UNC5B: variants seen among roughly 807,000 people sequenced by gnomAD.
UNC5B encodes the protein netrin receptor UNC5B.
UNC5B carries 56 observed loss-of-function variants against 103.7 expected under a neutral mutation model. That is an observed-to-expected ratio of 0.54 (90% CI 0.44 to 0.67). The LOEUF is 0.67. Among genes scored for constraint, UNC5B ranks in the 30% least tolerant of loss-of-function variants. The pLI is 0.00. For synonymous variants in UNC5B, 577 were observed against 542.0 expected, an observed-to-expected ratio of 1.06 and a Z score of -0.90; for missense variants, 1,194 against 1,284.5, an observed-to-expected ratio of 0.93 and a Z score of 1.08.
chr10:71,224,465 TC>T (rs1319278216), intron 1 of UNC5B, among the ~76,000 whole-genome samples: 1 of 150,968 alleles, frequency 6.6e-6, no homozygotes, highest in South Asian at 2.1e-4. Flanking sequence ...AAAACTGGAT[TC>T]TTTTTTTTCT....
At chr10:71,297,227 A>G (rs998397979) in intron 15 of UNC5B, among the ~76,000 whole-genome samples, 2 of 152,170 alleles carry the variant, frequency 1.3e-5, no homozygotes, top group African/African-American at 4.8e-5. Flanking sequence ...ATTGAGTGCC[A>G]TTCACATGCT....
rs927630366 is a variant in UNC5B, at chr10:71,302,190, C to T, written c.*2913C>T. 6.6e-6 allele frequency: 1 copy of T among 152,252 alleles called. No homozygotes were observed. The highest frequency in any genetic ancestry group is 1.5e-5 in the Non-Finnish European group (1 of 68,072). 9.4% of individuals were successfully genotyped at this position (152,252 alleles called of 1,614,324 possible). A position where few individuals can be genotyped will look rare whatever the true frequency, so the allele number is the denominator to read the frequency against. On this transcript the variant is annotated 3_prime_UTR_variant, in exon 17 of 17. Transcript: ENST00000335350. ...AGAGGTAGCCCCCGAGGGCATGTAC[C>T]TGGTGGGAAGCAGCTCAGGTACCCT...
chr10:71,282,887 C>T (rs573696244), intron 2 of UNC5B, among the ~76,000 whole-genome samples: 1 of 151,970 alleles, frequency 6.6e-6, no homozygotes, highest in Non-Finnish European at 1.5e-5. Flanking sequence ...GAGGCCGAGG[C>T]GGGCAATTCA....
At position 71,212,984 on chromosome 10, in the gene UNC5B, G is replaced by T; in HGVS notation, c.-2G>T. The T allele has an allele frequency of 7.2e-7, 1 of 1,382,694 alleles. No individual in the cohort carries two copies. The highest frequency in any genetic ancestry group is 2.8e-5 in the Admixed American group (1 of 35,404). 85.7% of individuals were successfully genotyped at this position (1,382,694 alleles called of 1,614,324 possible). A position where few individuals can be genotyped will look rare whatever the true frequency, so the allele number is the denominator to read the frequency against. ...GAGGCGCCCGAACCAGGCCGCGGGA[G>T]CATGGGGGCCCGGAGCGGAGCTCGG... On this transcript the variant is annotated 5_prime_UTR_variant, in exon 1 of 17. Transcript: ENST00000335350.
At chr10:71,297,035 G>T (rs1379007759) in intron 15 of UNC5B, among the ~76,000 whole-genome samples, 1 of 142,302 alleles carries the variant, frequency 7.0e-6, no homozygotes, top group Non-Finnish European at 1.6e-5. Flanking sequence ...CAGCACTGTG[G>T]CATAGGTGAG....
At chr10:71,225,400 C>A (rs1396105190) in intron 1 of UNC5B, among the ~76,000 whole-genome samples, 5 of 152,346 alleles carry the variant, frequency 3.3e-5, no homozygotes, top group African/African-American at 9.6e-5. Context: ...ACCTCCCATG[C>A]CTGGCTGGCC....
intron 1 of UNC5B, among the ~76,000 whole-genome samples, chr10:71,239,496 C>G (rs1843846690): frequency 6.6e-6 from 1 of 152,142 alleles, no homozygotes; most frequent in South Asian, 2.1e-4. Flanking sequence ...ATCACTTAAC[C>G]TCTTGGGCCC....
At chr10:71,293,988 T>G in intron 13 of UNC5B, 55 bp downstream of exon 13, 1 of 1,470,046 alleles carries the variant, frequency 6.8e-7, no homozygotes, top group South Asian at 1.3e-5. Flanking sequence ...GCATGATCCC[T>G]GCCAGAATCC....
chr10:71,214,898 T>C (rs190766275), intron 1 of UNC5B, among the ~76,000 whole-genome samples: 273 of 152,302 alleles, frequency 1.8e-3, no homozygotes, highest in Non-Finnish European at 3.0e-3. Flanking sequence ...AGAAATGGCC[T>C]CTAATACCCG....
At chr10:71,285,173 C>T (rs7350455) in intron 3 of UNC5B, among the ~76,000 whole-genome samples, 153 bp from the exon 4 acceptor site, 140,901 of 152,126 alleles carry the variant, frequency 0.93, 65,299 homozygotes, top group Middle Eastern at 0.98. Context: ...TGAGACCCCT[C>T]CTTTGGAGAA....
rs1299265203 is a variant in UNC5B at position 71,291,061 on chromosome 10, G to C, written c.1246G>C (p.Ala416Pro). 5 of 1,614,008 alleles carry C rather than the reference G, an allele frequency of 3.1e-6. No homozygotes were observed. The highest frequency in any genetic ancestry group is 4.2e-6 in the Non-Finnish European group (5 of 1,180,030). The stretch of plus-strand genomic sequence containing the variant: ...CACAGACATCACTGACTCATCTGCT[G>C]CCCTGACTGGTGGTTTCCACCCCGT... ...FDTDITDSSA[A>P]LTGGFHPVNF... is the part of the protein sequence containing the mutation. Residue 416 changes from alanine to proline, a missense_variant, in exon 9 of 17, where the codon GCC becomes CCC. Ala to Pro is a conservative substitution (Grantham distance 27). Coordinates refer to ENST00000335350, the MANE Select transcript of UNC5B (RefSeq NM_170744.5).
chr10:71,285,946 C>A (rs1005828209), intron 4 of UNC5B, among the ~76,000 whole-genome samples: 22 of 152,196 alleles, frequency 1.4e-4, no homozygotes, highest in African/African-American at 4.6e-4. Context: ...GCAGAGTGGA[C>A]GGCTGGGGCA....
At chr10:71,272,202 C>A (rs74147806) in intron 1 of UNC5B, among the ~76,000 whole-genome samples, 1 of 152,098 alleles carries the variant, frequency 6.6e-6, no homozygotes. Flanking sequence ...GAGAATTAGC[C>A]GGTGTCCAGG....
At chr10:71,294,746 G>A (rs968814191) in intron 13 of UNC5B, among the ~76,000 whole-genome samples, 1 of 152,234 alleles carries the variant, frequency 6.6e-6, no homozygotes, top group South Asian at 2.1e-4. Flanking sequence ...ATGCAGATGA[G>A]GGGTGGTTGG....
At chr10:71,218,518 C>T (rs1279052790) in intron 1 of UNC5B, among the ~76,000 whole-genome samples, 1 of 152,230 alleles carries the variant, frequency 6.6e-6, no homozygotes, top group Non-Finnish European at 1.5e-5. Context: ...GTGCCAGGTT[C>T]TGCTGTTGGA....
intron 1 of UNC5B, among the ~76,000 whole-genome samples, chr10:71,237,611 T>A (rs1843802521): frequency 6.6e-6 from 1 of 152,150 alleles, no homozygotes; most frequent in Admixed American, 6.5e-5. Flanking sequence ...CTGAGTGCAT[T>A]AACTATTATT....
At position 71,224,280 on chromosome 10, in the gene UNC5B, C is replaced by T. The variant is rs1447557405; in HGVS notation, c.79+11216C>T. ...ACACACACACACACACCAGGAAAGC[C>T]GGGGCTGCTGGGCACAGTGACCCCT... is the stretch of plus-strand genomic sequence containing the variant. On this transcript the variant is annotated intron_variant, in intron 1 of 16. Coordinates refer to ENST00000335350, the MANE Select transcript of UNC5B (RefSeq NM_170744.5). 2.0e-5 allele frequency among the ~76,000 whole-genome samples: 3 copies of T among 149,064 alleles called. 1 individual carries two copies. Among genetic ancestry groups the T allele is most frequent in the South Asian group, 4.4e-4 (2 of 4,572 alleles).
chr10:71,269,349 C>CCG (rs1844593457), intron 1 of UNC5B, among the ~76,000 whole-genome samples: 1 of 142,604 alleles, frequency 7.0e-6, no homozygotes. Flanking sequence ...GAAGTCCCCC[C>CCG]CCCACAACTT....
At chr10:71,222,508 T>C (rs559501881) in intron 1 of UNC5B, among the ~76,000 whole-genome samples, 1 of 93,016 alleles carries the variant, frequency 1.1e-5, no homozygotes, top group Non-Finnish European at 2.4e-5. Flanking sequence ...TTCCCTTCTC[T>C]TCCTGCCCCT....
Sources: allele counts gnomAD v4.1 joint callset (sites outside exome capture counted in the v4.1 genomes callset), GRCh38; gene constraint gnomAD v4.1.1; transcripts MANE v1.5; gene names NCBI Gene and HGNC (gene_info 2026-07-23, HGNC 2026-07-21).